Variants in RAB34 observed in about 807,000 individuals in gnomAD.
RAB34 encodes the protein ras-related protein Rab-34.
In RAB34, 33 loss-of-function variants were observed where a neutral mutation model predicts 39.0. That is an observed-to-expected ratio of 0.85 (90% CI 0.64 to 1.13). RAB34 has a LOEUF of 1.13. RAB34 is among the 50% of genes most tolerant of loss of function. The pLI is 0.00. For missense variants in RAB34, 289 were observed against 326.1 expected (o/e 0.89, Z 0.88); for synonymous variants, 135 against 125.1 (o/e 1.08, Z -0.53).
chr17:28,715,299 A>G, intron 6 of RAB34, 23 bp from the exon 7 acceptor site: 3 of 1,608,964 alleles, frequency 1.9e-6, no homozygotes, highest in Non-Finnish European at 2.5e-6. Context: ...GTGGAAAGTA[A>G]GGGATGAGTG....
In RAB34 at chr17:28,717,626, A is replaced by C. The variant is rs2033758319; in HGVS notation, c.-360T>G. 2 of 1,382,010 alleles carry C rather than the reference A, an allele frequency of 1.4e-6. No homozygotes were observed. The highest frequency in any genetic ancestry group is 3.3e-5 in the South Asian group (2 of 59,868). The allele number at this position is 1,382,010 out of a possible 1,614,324, so 85.6% of individuals were successfully genotyped here. On this transcript the variant is annotated 5_prime_UTR_variant, in exon 1 of 10. Transcript: ENST00000395245. ...TACGCGGGGCCGGATAGTTCCTACG[A>C]TTACGCGGGGCCGGATGGTTCCTAC...
At chr17:28,715,324 C>T (rs763360161) in intron 6 of RAB34, 48 bp from the exon 7 acceptor site, 5 of 1,591,700 alleles carry the variant, frequency 3.1e-6, no homozygotes, top group Non-Finnish European at 4.3e-6. Context: ...TGCAGGGCCC[C>T]TCCCACTGAC....
At chr17:28,715,610 C>G in intron 5 of RAB34, 31 bp downstream of exon 5, 1 of 1,614,066 alleles carries the variant, frequency 6.2e-7, no homozygotes, top group East Asian at 2.2e-5. Context: ...CACTCTGAGA[C>G]CCACCTACCC....
chr17:28,715,127 G>C lies in RAB34; in HGVS notation c.514-5C>G. 1 of 1,614,128 alleles carries C rather than the reference G, an allele frequency of 6.2e-7. No individual in the cohort carries two copies. Among genetic ancestry groups the C allele is most frequent in the East Asian group, 2.2e-5 (1 of 44,886 alleles). On this transcript the variant is annotated splice_region_variant and splice_polypyrimidine_tract_variant and intron_variant, in intron 7 of 9. Coordinates refer to ENST00000395245, the MANE Select transcript of RAB34 (RefSeq NM_031934.6). ...CAGCGCATACTGAGCAGGGGTCTGA[G>C]GGAAGGCCAGAGTCAGAGGGGGGCA...
At chr17:28,714,973 G>C in intron 8 of RAB34, 59 bp downstream of exon 8, 2 of 1,596,250 alleles carry the variant, frequency 1.3e-6, no homozygotes, top group Non-Finnish European at 1.7e-6. Flanking sequence ...TGGAGGTGTA[G>C]CAGTGAGAGG....
chr17:28,718,055 T>C, upstream of RAB34: 1 of 1,463,210 alleles, frequency 6.8e-7, no homozygotes, highest in South Asian at 1.3e-5. Context: ...CCTATCCAGA[T>C]AGGGACTCCC....
At position 28,715,647 on chromosome 17, in the gene RAB34, C is replaced by T. The variant is rs368931578; in HGVS notation, c.373G>A (p.Ala125Thr). 5.0e-6 allele frequency: 8 copies of T among 1,614,152 alleles called. No individual in the cohort carries two copies. Among genetic ancestry groups the T allele is most frequent in the Non-Finnish European group, 6.8e-6 (8 of 1,180,038 alleles). ...ACTTCACCCAGCCCCTTACCTTGAG[C>T]TCCTCTATAGTAGGTTGATGCAATG... ...KCIASTYYRG[A>T]QAIIIVFNLN... The change falls in exon 5 of 10, where the codon GCT becomes ACT. Residue 125 changes from alanine (A) to threonine (T), a missense_variant. Ala to Thr is a moderately conservative substitution (Grantham distance 58). Coordinates refer to ENST00000395245, the MANE Select transcript of RAB34 (RefSeq NM_031934.6).
chr17:28,716,160 C>G (rs1597770533), intron 2 of RAB34, 102 bp from the exon 3 acceptor site: 1 of 1,558,040 alleles, frequency 6.4e-7, no homozygotes, highest in East Asian at 2.3e-5. Flanking sequence ...TGCACCCAGG[C>G]TGAGGGTATT....
chr17:28,716,304 G>A (rs978404104), intron 2 of RAB34: 5 of 542,538 alleles, frequency 9.2e-6, no homozygotes, highest in East Asian at 3.0e-5. Flanking sequence ...CTTTGGACAC[G>A]TTATTTAGCC....
chr17:28,716,424 C>CG (rs2151706999), intron 2 of RAB34: 1 of 282,610 alleles, frequency 3.5e-6, no homozygotes, highest in Non-Finnish European at 6.7e-6. Flanking sequence ...CCCTCCCCCC[C>CG]GCATTTTAAT....
chr17:28,716,244 CAG>C, intron 2 of RAB34, 186 bp from the exon 3 acceptor site: 3 of 695,456 alleles, frequency 4.3e-6, no homozygotes, highest in Middle Eastern at 4.1e-4. Context: ...GCTCCAGAAG[CAG>C]AGAGACATGA....
chr17:28,717,162 C>T (rs745446874), intron 1 of RAB34, 51 bp downstream of exon 1: 2 of 1,555,978 alleles, frequency 1.3e-6, no homozygotes, highest in Non-Finnish European at 1.7e-6. Flanking sequence ...GCCTCCTCCT[C>T]GCCCACACCC....
At position 28,717,110 on chromosome 17, in the gene RAB34, G is replaced by A. The variant is rs942673775; in HGVS notation, c.54+103C>T. 32 of 1,539,358 alleles carry A rather than the reference G, an allele frequency of 2.1e-5. No homozygotes were observed. The Admixed American group carries it at 3.8e-4, about 18-fold the overall frequency. On this transcript the variant is annotated intron_variant, in intron 1 of 9. Coordinates refer to ENST00000395245, the MANE Select transcript of RAB34 (RefSeq NM_031934.6). ...CCACCCAGAAGCACCAGGCCTAGCT[G>A]GGTGGCAGGGCTGGGCCCAGTCCTC...
At chr17:28,718,189 G>C (rs1481609604), upstream of RAB34, 4 of 1,607,214 alleles carry the variant, frequency 2.5e-6, no homozygotes, top group African/African-American at 2.7e-5. Flanking sequence ...GAACCAGCAG[G>C]GAGGGGAAAG....
At chr17:28,718,227 G>C, upstream of RAB34, 1 of 1,586,612 alleles carries the variant, frequency 6.3e-7, no homozygotes, top group Non-Finnish European at 8.6e-7. Flanking sequence ...AAGGAGAGGC[G>C]GCGCTTCCCT....
intron 1 of RAB34, 26 bp from the exon 2 acceptor site, chr17:28,717,020 G>A (rs755320334): frequency 2.5e-6 from 4 of 1,611,172 alleles, no homozygotes; most frequent in Non-Finnish European, 3.4e-6. Flanking sequence ...GGAAGAGAAT[G>A]GAGCTTCCTA....
chr17:28,714,784 A>G lies in RAB34; in HGVS notation c.712+9T>C, dbSNP rs1195907979. 10 of 1,614,126 alleles carry G rather than the reference A, an allele frequency of 6.2e-6. No homozygotes were observed. Among genetic ancestry groups the G allele is most frequent in the Non-Finnish European group, 8.5e-6 (10 of 1,179,966 alleles). On this transcript the variant is annotated intron_variant, in intron 9 of 9. Transcript: ENST00000395245. Reference sequence around the variant, plus strand: ...GCCCTCTGCCACCCTCAACCAGGCAAGCACTCACGGACAACATCCCCAATG... The same window carrying G: ...GCCCTCTGCCACCCTCAACCAGGCAGGCACTCACGGACAACATCCCCAATG...
In RAB34 at chr17:28,715,033, A is replaced by C; in HGVS notation, c.603T>G (p.Thr201=). The change falls in exon 8 of 10, where the codon ACT becomes ACG. Residue 201 remains threonine (T), a splice_region_variant and synonymous_variant. Coordinates refer to ENST00000395245, the MANE Select transcript of RAB34 (RefSeq NM_031934.6). The stretch of plus-strand genomic sequence containing the variant: ...AGAGCCCTAAAGCCTCCAACTCACC[A>C]GTGAGAGATGAGACTGCCCAGTACT... The part of the protein sequence containing the change: ...KAEYWAVSSL[T]GENVREFFFR... 4 of 1,613,654 alleles carry C rather than the reference A, an allele frequency of 2.5e-6. No homozygotes were observed. Among genetic ancestry groups the C allele is most frequent in the Non-Finnish European group, 3.4e-6 (4 of 1,179,640 alleles).
In RAB34 at chr17:28,717,217, G is replaced by A. The variant is rs1429527379; in HGVS notation, c.50C>T (p.Pro17Leu). Residue 17 changes from proline to leucine, a missense_variant, in exon 1 of 10, where the codon CCC (proline) becomes CTC (leucine). Coordinates refer to ENST00000395245, the MANE Select transcript of RAB34 (RefSeq NM_031934.6). The stretch of plus-strand genomic sequence containing the variant: ...CGACGTGGCCCCGGCGCCTACCTGG[G>A]GCAGCTCCGCCAGGACGCGATCCCT... ...VRRDRVLAEL[P>L]QCLRKEAALH... 1.9e-6 allele frequency: 3 copies of A among 1,603,832 alleles called. No individual in the cohort carries two copies. In the African/African-American group the frequency reaches 4.0e-5, roughly 21 times the overall value.
Sources: gnomAD v4.1 joint callset for allele counts on GRCh38, gnomAD v4.1.1 for gene constraint, MANE v1.5 for transcripts, NCBI Gene and HGNC (gene_info 2026-07-23, HGNC 2026-07-21) for gene names.